Variants in SIAH3 observed in about 807,000 individuals in gnomAD.
The protein encoded by SIAH3 is seven in absentia homolog 3.
SIAH3 carries 9 observed loss-of-function variants against 12.6 expected under a neutral mutation model. That is an observed-to-expected ratio of 0.72 (90% CI 0.43 to 1.25). The LOEUF is 1.25. Ranked by LOEUF, SIAH3 falls within the 50% of genes most tolerant of loss-of-function variation. The pLI, the probability that SIAH3 is intolerant of heterozygous loss-of-function variation, is 0.00. For synonymous variants in SIAH3, 154 were observed against 151.1 expected (o/e 1.02, Z -0.14); for missense variants, 390 against 365.4 (o/e 1.07, Z -0.55).
At chr13:45,789,603 C>T (rs1313936188) in intron 1 of SIAH3, among the ~76,000 whole-genome samples, 2 of 152,172 alleles carry the variant, frequency 1.3e-5, no homozygotes, top group Admixed American at 1.3e-4. Flanking sequence ...GACGGGGTTT[C>T]ACCATGTTGG....
In SIAH3 at chr13:45,779,627, T is replaced by C. The variant is rs1950496381; in HGVS notation, c.*3756A>G. 1 of 152,202 alleles carries C rather than the reference T, an allele frequency of 6.6e-6. No individual in the cohort carries two copies. Among genetic ancestry groups the C allele is most frequent in the Admixed American group, 6.5e-5 (1 of 15,278 alleles). 9.4% of individuals were successfully genotyped at this position (152,202 alleles called of 1,614,324 possible). A position where few individuals can be genotyped will look rare whatever the true frequency, so the allele number is the denominator to read the frequency against. On this transcript the variant is annotated 3_prime_UTR_variant, in exon 2 of 2. Coordinates refer to ENST00000400405, the MANE Select transcript of SIAH3 (RefSeq NM_198849.3). Reference sequence around the variant, plus strand: ...AGCAAGTTGGCTAAATTCTCTTAGCTTACGTTTCCCACCCGTAACATGAAT... The same window carrying C: ...AGCAAGTTGGCTAAATTCTCTTAGCCTACGTTTCCCACCCGTAACATGAAT...
chr13:45,846,081 C>CTTGTTTT (rs1950758858), intron 1 of SIAH3, among the ~76,000 whole-genome samples: 1 of 82,924 alleles, frequency 1.2e-5, no homozygotes, highest in Admixed American at 1.5e-4. Context: ...GAAGACCTAA[C>CTTGTTTT]TTCTTTTTTT....
chr13:45,837,600 G>T (rs1316007858), intron 1 of SIAH3, among the ~76,000 whole-genome samples: 1 of 140,070 alleles, frequency 7.1e-6, no homozygotes, highest in East Asian at 2.3e-4. Flanking sequence ...AAGGAGGGAG[G>T]GACAGAGGGA....
chr13:45,778,869 G>A lies in SIAH3; in HGVS notation c.*4514C>T, dbSNP rs1950493627. Reference sequence around the variant, plus strand: ...TTAAAGTATATGGGAGGATTGCGTAGGTTATATACAAATACTATGCCGTTT... The same window carrying A: ...TTAAAGTATATGGGAGGATTGCGTAAGTTATATACAAATACTATGCCGTTT... On this transcript the variant is annotated 3_prime_UTR_variant, in exon 2 of 2. Transcript: ENST00000400405. 6.6e-6 allele frequency: 1 copy of A among 152,188 alleles called. No individual in the cohort carries two copies. Among genetic ancestry groups the A allele is most frequent in the Non-Finnish European group, 1.5e-5 (1 of 68,032 alleles). 9.4% of individuals were successfully genotyped at this position (152,188 alleles called of 1,614,324 possible).
At chr13:45,833,511 C>A (rs1249150387) in intron 1 of SIAH3, among the ~76,000 whole-genome samples, 1 of 151,040 alleles carries the variant, frequency 6.6e-6, no homozygotes, top group Non-Finnish European at 1.5e-5. Context: ...ACACACACGG[C>A]AGTCCTTTTT....
chr13:45,821,889 T>C (rs1009101686), intron 1 of SIAH3, among the ~76,000 whole-genome samples: 1 of 152,220 alleles, frequency 6.6e-6, no homozygotes, highest in Admixed American at 6.5e-5. Flanking sequence ...GCCCAGTTGA[T>C]TTCTGCTTCT....
At position 45,849,915 on chromosome 13, in the gene SIAH3, G is replaced by A. The variant is rs939586597; in HGVS notation, c.135+1580C>T. Among the ~76,000 whole-genome samples the A allele has an allele frequency of 6.6e-5, 10 of 152,260 alleles. No homozygotes were observed. The East Asian group carries it at 1.9e-3, about 29-fold the overall frequency. The stretch of plus-strand genomic sequence containing the variant: ...CTAATCCAAAGTGGAAAAAATAATG[G>A]AAGTTTGAATGCAGTCTCAAAAGTG... On this transcript the variant is annotated intron_variant, in intron 1 of 1. Coordinates refer to ENST00000400405, the MANE Select transcript of SIAH3 (RefSeq NM_198849.3).
At chr13:45,839,050 C>A (rs17067277) in intron 1 of SIAH3, among the ~76,000 whole-genome samples, 1 of 152,012 alleles carries the variant, frequency 6.6e-6, no homozygotes, top group African/African-American at 2.4e-5. Context: ...ATTAAAATTT[C>A]GTTCCTCTTT....
At chr13:45,802,980 G>A (rs1397029089) in intron 1 of SIAH3, among the ~76,000 whole-genome samples, 1 of 152,110 alleles carries the variant, frequency 6.6e-6, no homozygotes, top group Non-Finnish European at 1.5e-5. Flanking sequence ...GTTGAGGCAG[G>A]AGAATTGCTT....
At chr13:45,847,977 G>A (rs1047662523) in intron 1 of SIAH3, among the ~76,000 whole-genome samples, 1 of 152,094 alleles carries the variant, frequency 6.6e-6, no homozygotes, top group African/African-American at 2.4e-5. Flanking sequence ...GCAAAAGAAG[G>A]CAGGGCTGCC....
chr13:45,814,816 G>C (rs113577651), intron 1 of SIAH3, among the ~76,000 whole-genome samples: 3,983 of 151,592 alleles, frequency 0.026, 160 homozygotes, highest in African/African-American at 0.093. Context: ...TCTGCCTTCC[G>C]GGCTCAAGCG....
intron 1 of SIAH3, among the ~76,000 whole-genome samples, chr13:45,836,689 T>A (rs532940602): frequency 5.3e-5 from 8 of 152,086 alleles, no homozygotes; most frequent in African/African-American, 1.4e-4. Flanking sequence ...ACCTGGGTGA[T>A]GGGATGATCT....
chr13:45,814,819 C>A (rs1464163971), intron 1 of SIAH3, among the ~76,000 whole-genome samples: 1 of 151,950 alleles, frequency 6.6e-6, no homozygotes, highest in Non-Finnish European at 1.5e-5. Flanking sequence ...GCCTTCCGGG[C>A]TCAAGCGATT....
At chr13:45,794,740 G>A (rs1026599905) in intron 1 of SIAH3, among the ~76,000 whole-genome samples, 32 of 152,046 alleles carry the variant, frequency 2.1e-4, no homozygotes, top group African/African-American at 7.0e-4. Flanking sequence ...AGTCCATTAA[G>A]CCTCTTTTTC....
chr13:45,830,916 C>T (rs777424012), intron 1 of SIAH3, among the ~76,000 whole-genome samples: 1 of 152,144 alleles, frequency 6.6e-6, no homozygotes, highest in Non-Finnish European at 1.5e-5. Context: ...TGGTAGCTCA[C>T]ACCTGTAATC....
intron 1 of SIAH3, among the ~76,000 whole-genome samples, chr13:45,842,866 T>G (rs1178827099): frequency 6.6e-6 from 1 of 152,162 alleles, no homozygotes; most frequent in African/African-American, 2.4e-5. Context: ...GGTTACAGAC[T>G]GGGTGGGGAA....
intron 1 of SIAH3, among the ~76,000 whole-genome samples, chr13:45,833,800 G>T (rs1415648981): frequency 6.6e-6 from 1 of 152,106 alleles, no homozygotes; most frequent in East Asian, 1.9e-4. Flanking sequence ...CCCAGAGCTG[G>T]CTCCCTCTCC....
intron 1 of SIAH3, among the ~76,000 whole-genome samples, chr13:45,795,585 G>A (rs1950559757): frequency 6.6e-6 from 1 of 152,210 alleles, no homozygotes; most frequent in African/African-American, 2.4e-5. Context: ...GTCAGGGCTA[G>A]CTGCCTGGCA....
chr13:45,797,903 G>A (rs527808655), intron 1 of SIAH3, among the ~76,000 whole-genome samples: 2 of 152,212 alleles, frequency 1.3e-5, no homozygotes, highest in East Asian at 3.9e-4. Context: ...TCCCTGCAGG[G>A]TCCATGGTTA....
Sources: allele counts gnomAD v4.1 joint callset (sites outside exome capture counted in the v4.1 genomes callset), GRCh38; gene constraint gnomAD v4.1.1; transcripts MANE v1.5; gene names NCBI Gene and HGNC (gene_info 2026-07-23, HGNC 2026-07-21).